The following STK32C variants were observed in gnomAD, a reference collection of about 807,000 sequenced individuals.
STK32C encodes serine/threonine kinase 32C, also known as serine/threonine-protein kinase 32C.
STK32C carries 31 observed loss-of-function variants against 56.5 expected under a neutral mutation model. That is an observed-to-expected ratio of 0.55 (90% CI 0.41 to 0.74). The LOEUF is 0.74. Among genes scored for constraint, STK32C ranks in the 30% least tolerant of loss-of-function variants. STK32C has a pLI of 0.00. For missense variants in STK32C, 544 were observed against 676.9 expected (o/e 0.80, Z 2.18); for synonymous variants, 309 against 289.4 (o/e 1.07, Z -0.69).
chr10:132,309,552 C>T (rs1170120300), upstream of STK32C, among the ~76,000 whole-genome samples: 2 of 152,242 alleles, frequency 1.3e-5, no homozygotes, highest in Admixed American at 1.3e-4. Flanking sequence ...TGCACAGAGC[C>T]GAGTTTTCAG....
intron 1 of STK32C, chr10:132,248,996 G>A (rs1221347132): frequency 2.2e-6 from 1 of 461,582 alleles, no homozygotes; most frequent in Non-Finnish European, 4.4e-6. Context: ...GCATAAGGGA[G>A]TCACGGCAAT....
chr10:132,266,918 C>T (rs2064554787), intron 1 of STK32C, among the ~76,000 whole-genome samples: 1 of 152,000 alleles, frequency 6.6e-6, no homozygotes, highest in Non-Finnish European at 1.5e-5. Context: ...ACAATGGACA[C>T]TGGGGGTGGG....
chr10:132,287,027 C>T (rs1197477697), intron 1 of STK32C, among the ~76,000 whole-genome samples: 1 of 152,106 alleles, frequency 6.6e-6, no homozygotes, highest in Non-Finnish European at 1.5e-5. Flanking sequence ...CTGGAGAATA[C>T]AAAGACAATA....
In STK32C at chr10:132,317,817, A is replaced by G. The variant is rs184248238; in HGVS notation, c.301+13619T>C. Among the ~76,000 whole-genome samples, 625 of 152,228 alleles carry G rather than the reference A, an allele frequency of 4.1e-3. 5 individuals are homozygous for G. The highest frequency in any genetic ancestry group is 0.015 in the African/African-American group (612 of 41,512). Reference sequence around the variant, plus strand: ...ACATGGTAAAACCCCGTCTCTGCTAAAAATACAAAAATTAGCCGGGCATGG... The same window carrying G: ...ACATGGTAAAACCCCGTCTCTGCTAGAAATACAAAAATTAGCCGGGCATGG... On this transcript the variant is annotated intron_variant, in intron 1 of 3. Coordinates refer to the STK32C transcript ENST00000368620.
At chr10:132,329,165 A>G (rs1425525323) in intron 1 of STK32C, among the ~76,000 whole-genome samples, 2 of 152,256 alleles carry the variant, frequency 1.3e-5, no homozygotes, top group African/African-American at 4.8e-5. Flanking sequence ...CTATAATCCC[A>G]GCACTTTGGG....
intron 1 of STK32C, chr10:132,249,206 G>A (rs1298436379): frequency 2.7e-6 from 1 of 366,548 alleles, no homozygotes; most frequent in East Asian, 7.5e-5. Flanking sequence ...GCGGGGCCGT[G>A]GGGTTGCGGG....
chr10:132,247,979 T>C (rs1158597633), intron 1 of STK32C, among the ~76,000 whole-genome samples: 1 of 152,214 alleles, frequency 6.6e-6, no homozygotes. Flanking sequence ...ACAAGACCCG[T>C]GGCCGACACC....
At position 132,330,735 on chromosome 10, in the gene STK32C, C is replaced by T. The variant is rs895390916; in HGVS notation, c.301+701G>A. Among the ~76,000 whole-genome samples the T allele has an allele frequency of 7.4e-5, 11 of 147,872 alleles. No homozygotes were observed. The East Asian group carries it at 2.0e-3, about 27-fold the overall frequency. ...GGGTTGCCCAGGCTGGTCTCCAACT[C>T]CTGGCCTCAAGCGATCTTCCCACCC... On this transcript the variant is annotated intron_variant, in intron 1 of 1. Transcript: ENST00000368619.
At chr10:132,209,162 C>G (rs1033816467) in intron 10 of STK32C, 61 bp from the exon 11 acceptor site, 1 of 1,494,626 alleles carries the variant, frequency 6.7e-7, no homozygotes, top group South Asian at 1.1e-5. Context: ...CCCATGTCCC[C>G]TCAAGTGAGT....
At chr10:132,208,231 A>C (rs1390344754) in intron 11 of STK32C, 80 bp from the exon 12 acceptor site, 6 of 1,270,038 alleles carry the variant, frequency 4.7e-6, no homozygotes, top group Non-Finnish European at 6.0e-6. Flanking sequence ...CCACGGGCTC[A>C]TGGGGTAGGC....
chr10:132,226,984 G>C lies in STK32C; in HGVS notation c.471-16C>G. ...GAAGGAGTACCTGTGGGCACCGATG[G>C]AAGGCCTGTTGTGCGCACAGCTGGG... On this transcript the variant is annotated splice_polypyrimidine_tract_variant and intron_variant, in intron 3 of 11. Transcript: ENST00000298630. 3.7e-6 allele frequency: 6 copies of C among 1,612,722 alleles called. No individual in the cohort carries two copies. Among genetic ancestry groups the C allele is most frequent in the Non-Finnish European group, 5.1e-6 (6 of 1,179,822 alleles).
At chr10:132,274,855 A>C (rs1376635184) in intron 1 of STK32C, among the ~76,000 whole-genome samples, 4 of 152,192 alleles carry the variant, frequency 2.6e-5, no homozygotes, top group Non-Finnish European at 5.9e-5. Context: ...GGGACGTGGC[A>C]AGGCTGAGTC....
intron 2 of STK32C, among the ~76,000 whole-genome samples, chr10:132,230,278 C>G (rs768590715): frequency 3.9e-5 from 6 of 152,230 alleles, no homozygotes; most frequent in Non-Finnish European, 7.3e-5. Context: ...CCTGGCTGCC[C>G]CTGGCAGGAC....
chr10:132,251,579 A>G (rs1048737055), intron 1 of STK32C, among the ~76,000 whole-genome samples: 1 of 152,076 alleles, frequency 6.6e-6, no homozygotes, highest in African/African-American at 2.4e-5. Flanking sequence ...GACTTGGGTG[A>G]GCACCCCAAG....
intron 1 of STK32C, among the ~76,000 whole-genome samples, chr10:132,259,313 T>C (rs1031321607): frequency 1.3e-5 from 2 of 152,212 alleles, no homozygotes; most frequent in Admixed American, 6.5e-5. Flanking sequence ...CTCCCTGATA[T>C]GGTTTGGCTC....
chr10:132,263,759 G>A (rs1196558235), intron 1 of STK32C, among the ~76,000 whole-genome samples: 1 of 151,338 alleles, frequency 6.6e-6, no homozygotes, highest in Non-Finnish European at 1.5e-5. Flanking sequence ...CCAGCTACTC[G>A]GGAGGCTGAG....
chr10:132,249,638 C>T (rs1460301567), intron 1 of STK32C, among the ~76,000 whole-genome samples: 1 of 152,148 alleles, frequency 6.6e-6, no homozygotes, highest in South Asian at 2.1e-4. Context: ...TCTGGATGAC[C>T]GTGGCTCCAC....
downstream of STK32C, among the ~76,000 whole-genome samples, chr10:132,320,835 C>T (rs1364039691): frequency 6.6e-6 from 1 of 152,204 alleles, no homozygotes; most frequent in Non-Finnish European, 1.5e-5. Flanking sequence ...CCCAGGAAGG[C>T]CAAGGCGTTG....
chr10:132,271,719 G>T (rs971995709), intron 1 of STK32C, among the ~76,000 whole-genome samples: 1 of 152,158 alleles, frequency 6.6e-6, no homozygotes, highest in Non-Finnish European at 1.5e-5. Flanking sequence ...AGTGACCTGG[G>T]ATCACCCGTT....
Sources: gnomAD v4.1 joint callset for allele counts (sites outside exome capture counted in the v4.1 genomes callset) on GRCh38, gnomAD v4.1.1 for gene constraint, MANE v1.5 for transcripts, NCBI Gene and HGNC (gene_info 2026-07-23, HGNC 2026-07-21) for gene names.